Variants in RAC1 observed in about 807,000 individuals in gnomAD.
RAC1 encodes ras-related C3 botulinum toxin substrate 1.
Under a neutral mutation model 25.2 loss-of-function variants are expected in RAC1, and 2 were observed. The ratio of observed to expected loss-of-function variants is 0.08; its 90% CI spans 0.03 to 0.25. The LOEUF is 0.25. Among genes scored for constraint, RAC1 ranks in the 10% least tolerant of loss-of-function variants. The pLI is 1.00. For synonymous variants in RAC1, 88 were observed against 94.0 expected (o/e 0.94, Z 0.37); for missense variants, 50 against 235.7 (o/e 0.21, Z 5.16).
chr7:6,401,705 T>A, intron 4 of RAC1, 163 bp from the exon 5 acceptor site: 1 of 626,600 alleles, frequency 1.6e-6, no homozygotes, highest in East Asian at 2.9e-5. Flanking sequence ...ATGTTCCTTA[T>A]GGCTCAAGGC....
intron 2 of RAC1, among the ~76,000 whole-genome samples, chr7:6,389,415 T>A (rs1272564830): frequency 1.3e-5 from 2 of 151,704 alleles, no homozygotes; most frequent in Non-Finnish European, 2.9e-5. Flanking sequence ...AAAAGTTTGC[T>A]CACGCCTGTA....
chr7:6,382,906 A>T (rs1007236721), intron 1 of RAC1, among the ~76,000 whole-genome samples: 3 of 152,244 alleles, frequency 2.0e-5, no homozygotes, highest in African/African-American at 7.2e-5. Flanking sequence ...GAAGAACATA[A>T]TAGCAACATA....
chr7:6,387,406 C>T (rs1321309218), intron 2 of RAC1, 123 bp downstream of exon 2: 1 of 710,728 alleles, frequency 1.4e-6, no homozygotes, highest in African/African-American at 1.9e-5. Flanking sequence ...TTTTCTTAAA[C>T]ATTCACTGAA....
chr7:6,403,864 TA>T lies in RAC1; in HGVS notation c.*1421del, dbSNP rs1220239687. On this transcript the variant is annotated 3_prime_UTR_variant, in exon 6 of 6. Coordinates refer to ENST00000348035, the MANE Select transcript of RAC1 (RefSeq NM_006908.5). ...CTTCAGCCACTACAACAGAATTTTT[TA>T]AATTGACAGTTGCAGAATTGTGGAG... 4.5e-6 allele frequency: 1 copy of T among 223,490 alleles called. No homozygotes were observed. The highest frequency in any genetic ancestry group is 2.2e-5 in the African/African-American group (1 of 44,808). 13.8% of individuals were successfully genotyped at this position (223,490 alleles called of 1,614,324 possible).
In RAC1 at chr7:6,402,535, A is replaced by AAAAAAAAAAC; in HGVS notation, c.*91_*92insAAAAAAACAA. 8.4e-7 allele frequency: 1 copy of AAAAAAAAAAC among 1,197,186 alleles called. No homozygotes were observed. The highest frequency in any genetic ancestry group is 3.6e-5 in the East Asian group (1 of 27,952). 74.2% of individuals were successfully genotyped at this position (1,197,186 alleles called of 1,614,324 possible). A position where few individuals can be genotyped will look rare whatever the true frequency, so the allele number is the denominator to read the frequency against. On this transcript the variant is annotated 3_prime_UTR_variant, in exon 6 of 6. Transcript: ENST00000348035. ...AACAAAAAAAAAAAACAAAAAAAAA[A>AAAAAAAAAAC]AACAACGGTGGAGCCTTCGCACTCA...
At chr7:6,390,840 A>C (rs1026975646) in intron 2 of RAC1, among the ~76,000 whole-genome samples, 1 of 152,008 alleles carries the variant, frequency 6.6e-6, no homozygotes, top group Non-Finnish European at 1.5e-5. Context: ...TTATCCAATA[A>C]TTTTTTTCTT....
intron 3 of RAC1, among the ~76,000 whole-genome samples, chr7:6,396,495 G>A (rs529127340): frequency 2.6e-5 from 4 of 152,256 alleles, no homozygotes; most frequent in Admixed American, 1.3e-4. Context: ...GGAACTGCTC[G>A]CTCCTGTCGT....
intron 4 of RAC1, chr7:6,401,540 A>G (rs1283506140): frequency 2.8e-5 from 5 of 177,940 alleles, no homozygotes; most frequent in Non-Finnish European, 3.5e-5. Context: ...TGTTTTACCA[A>G]AAACAAAGTG....
chr7:6,390,555 G>A (rs988926098), intron 2 of RAC1, among the ~76,000 whole-genome samples: 4 of 151,208 alleles, frequency 2.6e-5, no homozygotes, highest in Non-Finnish European at 4.4e-5. Context: ...AGCCGAGATC[G>A]CACCACTGCA....
chr7:6,390,205 G>T (rs1223753135), intron 2 of RAC1, among the ~76,000 whole-genome samples: 1 of 146,214 alleles, frequency 6.8e-6, no homozygotes, highest in African/African-American at 2.6e-5. Flanking sequence ...TCCACTGCAC[G>T]TAGCCTGATG....
intron 1 of RAC1, among the ~76,000 whole-genome samples, chr7:6,377,242 G>A (rs1233415721): frequency 1.3e-5 from 2 of 151,690 alleles, no homozygotes; most frequent in East Asian, 3.9e-4. Context: ...AACAAGCACA[G>A]TTATTTTTTA....
intron 3 of RAC1, among the ~76,000 whole-genome samples, chr7:6,393,681 A>G (rs768964648): frequency 2.0e-5 from 3 of 152,146 alleles, no homozygotes; most frequent in Non-Finnish European, 4.4e-5. Context: ...GCTTTCCTAT[A>G]AAATATTTGA....
At position 6,403,085 on chromosome 7, in the gene RAC1, T is replaced by C. The variant is rs571397435; in HGVS notation, c.*639T>C. 3.4e-4 allele frequency: 70 copies of C among 205,246 alleles called. No homozygotes were observed. In the Middle Eastern group the frequency reaches 0.013, roughly 38 times the overall value. 12.7% of individuals were successfully genotyped at this position (205,246 alleles called of 1,614,324 possible). A position where few individuals can be genotyped will look rare whatever the true frequency, so the allele number is the denominator to read the frequency against. Reference sequence around the variant, plus strand: ...CTTTTGCGGAGATTTTGAACAGAACTGCTATTTCCTCTAATGAAGAATTCT... The same window carrying C: ...CTTTTGCGGAGATTTTGAACAGAACCGCTATTTCCTCTAATGAAGAATTCT... On this transcript the variant is annotated 3_prime_UTR_variant, in exon 6 of 6. Transcript: ENST00000348035.
chr7:6,400,515 A>G (rs1054442123), intron 4 of RAC1, among the ~76,000 whole-genome samples: 4 of 151,890 alleles, frequency 2.6e-5, no homozygotes, highest in South Asian at 2.1e-4. Context: ...GAATTTTTGT[A>G]TGGCTGGTTT....
intron 2 of RAC1, among the ~76,000 whole-genome samples, chr7:6,390,324 G>A (rs763325216): frequency 1.5e-4 from 22 of 151,548 alleles, no homozygotes; most frequent in African/African-American, 4.4e-4. Context: ...CACCTTACCC[G>A]GGCACGGTGG....
chr7:6,387,504 A>T (rs775823547), intron 2 of RAC1, among the ~76,000 whole-genome samples: 12 of 152,134 alleles, frequency 7.9e-5, no homozygotes, highest in Non-Finnish European at 1.2e-4. Context: ...GGGTGGATCA[A>T]CTGAGGGTCA....
chr7:6,393,424 G>A (rs1047769235), intron 3 of RAC1, among the ~76,000 whole-genome samples: 1 of 152,160 alleles, frequency 6.6e-6, no homozygotes. Flanking sequence ...TGAGAAACAA[G>A]AGCCACCCTG....
At chr7:6,399,982 G>C in intron 3 of RAC1, 144 bp from the exon 4 acceptor site, 1 of 699,862 alleles carries the variant, frequency 1.4e-6, no homozygotes, top group Non-Finnish European at 2.5e-6. Context: ...CAAACTGAAA[G>C]GGTGGATCAG....
chr7:6,403,820 G>T lies in RAC1; in HGVS notation c.*1374G>T, dbSNP rs1026221013. On this transcript the variant is annotated 3_prime_UTR_variant, in exon 6 of 6. Transcript: ENST00000348035. ...GTTCTGTACAACTTAACTCACTGGC[G>T]AGAATACAGCGTGGGACCCTTCAGC... The T allele has an allele frequency of 9.1e-6, 2 of 219,478 alleles. No individual in the cohort carries two copies. Among genetic ancestry groups the T allele is most frequent in the African/African-American group, 4.5e-5 (2 of 44,662 alleles). The allele number at this position is 219,478 out of a possible 1,614,324, so 13.6% of individuals were successfully genotyped here. A position where few individuals can be genotyped will look rare whatever the true frequency, so the allele number is the denominator to read the frequency against.
Sources: gnomAD v4.1 joint callset for allele counts (sites outside exome capture counted in the v4.1 genomes callset) on GRCh38, gnomAD v4.1.1 for gene constraint, MANE v1.5 for transcripts, NCBI Gene and HGNC (gene_info 2026-07-23, HGNC 2026-07-21) for gene names.